SNX31: variants seen among roughly 807,000 people sequenced by gnomAD.
The protein encoded by SNX31 is sorting nexin 31.
A neutral mutation model predicts 65.4 loss-of-function variants in SNX31; 58 were observed. The observed-to-expected ratio is 0.89, with a 90% CI of 0.72 to 1.10. The LOEUF is 1.10. SNX31 is among the 50% of genes least tolerant of loss of function. SNX31 has a pLI of 0.00. For synonymous variants in SNX31, 181 were observed against 190.1 expected, an observed-to-expected ratio of 0.95 and a Z score of 0.39; for missense variants, 523 against 529.7, an observed-to-expected ratio of 0.99 and a Z score of 0.12.
At chr8:100,659,380 G>T (rs1029476863) in intron 1 of SNX31, among the ~76,000 whole-genome samples, 1 of 148,602 alleles carries the variant, frequency 6.7e-6, no homozygotes, top group Non-Finnish European at 1.5e-5. Flanking sequence ...AAAAAAAAGC[G>T]TGGGGGGACA....
intron 2 of SNX31, 26 bp downstream of exon 2, chr8:100,649,248 C>T: frequency 3.1e-6 from 5 of 1,611,558 alleles, no homozygotes; most frequent in Non-Finnish European, 4.2e-6. Flanking sequence ...AGTGGATGGG[C>T]TCGTACCCGC....
chr8:100,661,656 G>C (rs554548786), intron 1 of SNX31, among the ~76,000 whole-genome samples: 3 of 151,546 alleles, frequency 2.0e-5, no homozygotes, highest in African/African-American at 7.3e-5. Context: ...GGCCTCCCAA[G>C]GAGCTGGGAC....
At chr8:100,636,183 T>C (rs1818760763) in intron 2 of SNX31, among the ~76,000 whole-genome samples, 172 bp from the exon 3 acceptor site, 1 of 152,216 alleles carries the variant, frequency 6.6e-6, no homozygotes, top group Non-Finnish European at 1.5e-5. Flanking sequence ...AAGGAGGAAT[T>C]TATTTCAGTA....
chr8:100,587,855 A>G (rs2130843489), intron 11 of SNX31, among the ~76,000 whole-genome samples: 2 of 152,352 alleles, frequency 1.3e-5, no homozygotes, highest in Middle Eastern at 6.8e-3. Flanking sequence ...ACATCAGTTA[A>G]TGATGATGGG....
intron 3 of SNX31, among the ~76,000 whole-genome samples, chr8:100,631,599 G>A (rs552708549): frequency 2.9e-4 from 44 of 151,904 alleles, no homozygotes; most frequent in Non-Finnish European, 5.9e-4. Flanking sequence ...CACCACACCC[G>A]GCCTGTTTTA....
chr8:100,611,836 A>G (rs1816738607), intron 7 of SNX31, among the ~76,000 whole-genome samples, 164 bp downstream of exon 7: 1 of 152,206 alleles, frequency 6.6e-6, no homozygotes, highest in Non-Finnish European at 1.5e-5. Flanking sequence ...GATTATAGGC[A>G]TAAGCCACAG....
At chr8:100,596,949 T>C in intron 9 of SNX31, 107 bp from the exon 10 acceptor site, 1 of 909,492 alleles carries the variant, frequency 1.1e-6, no homozygotes, top group South Asian at 1.5e-5. Context: ...TCTAGGATAA[T>C]ACATGGAACT....
At chr8:100,595,139 T>C (rs1814952824) in intron 10 of SNX31, among the ~76,000 whole-genome samples, 1 of 152,180 alleles carries the variant, frequency 6.6e-6, no homozygotes, top group African/African-American at 2.4e-5. Context: ...AGATCAAATT[T>C]GGGGCCACAA....
intron 7 of SNX31, 129 bp from the exon 8 acceptor site, chr8:100,608,692 C>T: frequency 1.3e-6 from 1 of 747,448 alleles, no homozygotes; most frequent in Non-Finnish European, 2.3e-6. Flanking sequence ...AGCCACACCT[C>T]CACTTGCCCA....
Position 100,649,335 on chromosome 8 carries a change from T to C in SNX31, c.80A>G (p.His27Arg), listed in dbSNP as rs1819868301. Residue 27 changes from histidine to arginine, a missense_variant, in exon 2 of 14, where the codon CAC becomes CGC. His to Arg is a conservative substitution (Grantham distance 29). Coordinates refer to ENST00000311812, the MANE Select transcript of SNX31 (RefSeq NM_152628.4). The part of the protein sequence containing the change: ...LGGRYVLYSV[H>R]LDGFLFCRVR... ...CCTGCAGAAGAGGAACCCGTCCAGGTGCACGGAGTACAGCTGCAAACACAC... is the reference window on the plus strand; with the variant it reads ...CCTGCAGAAGAGGAACCCGTCCAGGCGCACGGAGTACAGCTGCAAACACAC... 1 of 1,614,020 alleles carries C rather than the reference T, an allele frequency of 6.2e-7. No individual in the cohort carries two copies. Among genetic ancestry groups the C allele is most frequent in the Non-Finnish European group, 8.5e-7 (1 of 1,179,932 alleles).
rs556203287 is a variant in SNX31 at position 100,649,467 on chromosome 8, C to G, written c.48G>C (p.Ala16=). 3.2e-6 allele frequency: 5 copies of G among 1,586,258 alleles called. No individual in the cohort carries two copies. The highest frequency in any genetic ancestry group is 4.6e-5 in the East Asian group (2 of 43,732). ...CIPVSQQRSD[A]LGGRYVLYSV... is the part of the protein sequence containing the mutation. ...GGCGCACCACGTAGCGGCCCCCCAG[C>G]GCGTCGGACCGCTGCTGGGACACCG... The change falls in exon 1 of 14, where the codon GCG becomes GCC. Residue 16 remains alanine (A), a synonymous_variant. Transcript: ENST00000311812.
chr8:100,623,620 G>T (rs894312965), intron 4 of SNX31, among the ~76,000 whole-genome samples: 1 of 152,024 alleles, frequency 6.6e-6, no homozygotes, highest in Non-Finnish European at 1.5e-5. Context: ...CTGTAGCCTT[G>T]CTCTATCTTT....
intron 10 of SNX31, 73 bp from the exon 11 acceptor site, chr8:100,589,052 C>T (rs941794380): frequency 3.4e-5 from 40 of 1,190,244 alleles, no homozygotes; most frequent in Non-Finnish European, 4.4e-5. Context: ...GTGGCTCACA[C>T]CTGAAATCCC....
At chr8:100,577,786 G>A (rs1813170759) in intron 12 of SNX31, among the ~76,000 whole-genome samples, 1 of 152,112 alleles carries the variant, frequency 6.6e-6, no homozygotes, top group Non-Finnish European at 1.5e-5. Context: ...TGCCTGACGG[G>A]AGCTGTATCC....
Position 100,613,588 on chromosome 8 carries a change from C to T in SNX31, c.433-503G>A, listed in dbSNP as rs914547313. Among the ~76,000 whole-genome samples, 27 of 152,216 alleles carry T rather than the reference C, an allele frequency of 1.8e-4. No individual in the cohort carries two copies. Among genetic ancestry groups the T allele is most frequent in the African/African-American group, 5.8e-4 (24 of 41,452 alleles). On this transcript the variant is annotated intron_variant, in intron 5 of 13. Transcript: ENST00000311812. This position sits in a 1 kb window ranked among gnomAD's most constrained non-coding sequence, Gnocchi z 5.2. ...CACCTTTGACACGCCAGGCCTGCTT[C>T]GCCTTGATGTTTCCTGCGATGGTCA... is the stretch of plus-strand genomic sequence containing the variant.
chr8:100,634,756 T>TAAAAAAAA (rs548613299), intron 3 of SNX31, among the ~76,000 whole-genome samples: 4 of 141,590 alleles, frequency 2.8e-5, no homozygotes, highest in Middle Eastern at 3.2e-3. Flanking sequence ...CTCTCTGTCT[T>TAAAAAAAA]AAAAAAAAAA....
intron 2 of SNX31, among the ~76,000 whole-genome samples, chr8:100,639,928 TG>T (rs1474230488): frequency 2.6e-5 from 4 of 151,706 alleles, no homozygotes; most frequent in Non-Finnish European, 5.9e-5. Flanking sequence ...AAATCAGGAA[TG>T]GGAGTATGTC....
Position 100,649,573 on chromosome 8 carries a change from G to A in SNX31, c.-59C>T, listed in dbSNP as rs898710197. 1.7e-4 allele frequency: 248 copies of A among 1,500,194 alleles called. No individual in the cohort carries two copies. The Middle Eastern group carries it at 2.1e-3, about 12-fold the overall frequency. 92.9% of individuals were successfully genotyped at this position (1,500,194 alleles called of 1,614,324 possible). On this transcript the variant is annotated 5_prime_UTR_variant, in exon 1 of 14. Coordinates refer to ENST00000311812, the MANE Select transcript of SNX31 (RefSeq NM_152628.4). ...CCCGACCTGCGGCGGCGGGCGGTGC[G>A]CGGCTCTGAACTCGGCAGCGGTGGA...
At chr8:100,657,577 C>T (rs889914647) in intron 1 of SNX31, 2 of 396,714 alleles carry the variant, frequency 5.0e-6, no homozygotes, top group Non-Finnish European at 1.0e-5. Flanking sequence ...GGGGAGGCAG[C>T]AGGTATACCT....
Sources: allele counts gnomAD v4.1 joint callset (sites outside exome capture counted in the v4.1 genomes callset), GRCh38; gene constraint gnomAD v4.1.1; non-coding constraint Gnocchi (gnomAD v3.1); transcripts MANE v1.5; gene names NCBI Gene and HGNC (gene_info 2026-07-23, HGNC 2026-07-21).